COX7B2: variants seen among roughly 807,000 people sequenced by gnomAD.
COX7B2 encodes cytochrome c oxidase subunit 7B2, also known as cytochrome c oxidase subunit 7B2, mitochondrial.
For missense variants in COX7B2, 109 were observed against 95.9 expected (o/e 1.14, Z -0.57); for synonymous variants, 37 against 32.1 (o/e 1.15, Z -0.51).
rs185689224 is a variant in COX7B2, at chr4:46,793,951, T to C, written c.-50+51009A>G. ...GCATCTACATTCATAGTGGTATTGG[T>C]TTTTCCACCTCCTAAGGAAAGTATA... On this transcript the variant is annotated intron_variant, in intron 2 of 2. Transcript: ENST00000355591. Among the ~76,000 whole-genome samples, 187 of 152,228 alleles carry C rather than the reference T, an allele frequency of 1.2e-3. 1 individual carries two copies. Among genetic ancestry groups the C allele is most frequent in the African/African-American group, 4.3e-3 (177 of 41,526 alleles).
In COX7B2 at chr4:46,908,625, T is replaced by C. The variant is rs149940049; in HGVS notation, c.-105+535A>G. On this transcript the variant is annotated intron_variant, in intron 1 of 2. Coordinates refer to ENST00000355591, the MANE Select transcript of COX7B2 (RefSeq NM_130902.3). ...TCTGCAACATGCAATTCCTTTCCTT[T>C]TAATTTTCCTTTTACTCCCATCCTA... Among the ~76,000 whole-genome samples, 221 of 152,126 alleles carry C rather than the reference T, an allele frequency of 1.5e-3. 1 individual carries two copies. Among genetic ancestry groups the C allele is most frequent in the African/African-American group, 5.2e-3 (214 of 41,518 alleles).
intron 1 of COX7B2, among the ~76,000 whole-genome samples, chr4:46,859,317 A>G (rs1159060688): frequency 3.3e-5 from 5 of 152,062 alleles, no homozygotes; most frequent in Admixed American, 2.6e-4. Context: ...ACTGCTCTCT[A>G]CACTCCCTCT....
chr4:46,741,430 A>G, intron 2 of COX7B2, among the ~76,000 whole-genome samples: 1 of 152,124 alleles, frequency 6.6e-6, no homozygotes. Flanking sequence ...ATGTCTCCAG[A>G]CCTTGCTAAA....
chr4:46,837,805 T>C (rs1715639715), intron 2 of COX7B2, among the ~76,000 whole-genome samples: 1 of 152,100 alleles, frequency 6.6e-6, no homozygotes, highest in Non-Finnish European at 1.5e-5. Flanking sequence ...TGCCTTATGC[T>C]GTTTGTTGCC....
intron 2 of COX7B2, among the ~76,000 whole-genome samples, chr4:46,765,060 C>G (rs765868909): frequency 4.6e-5 from 7 of 151,350 alleles, no homozygotes; most frequent in Non-Finnish European, 7.4e-5. Flanking sequence ...AAATGCCAAG[C>G]AGAAGTGCAG....
At chr4:46,905,409 C>T (rs1720320912) in intron 1 of COX7B2, among the ~76,000 whole-genome samples, 1 of 152,176 alleles carries the variant, frequency 6.6e-6, no homozygotes, top group Non-Finnish European at 1.5e-5. Flanking sequence ...GAAACCGGAA[C>T]TGAATGTCAT....
intron 2 of COX7B2, among the ~76,000 whole-genome samples, chr4:46,798,478 C>G (rs894332477): frequency 6.6e-5 from 10 of 152,192 alleles, no homozygotes; most frequent in Non-Finnish European, 1.5e-4. Flanking sequence ...CCCTGTGGTA[C>G]TTAAAGTGTC....
intron 2 of COX7B2, among the ~76,000 whole-genome samples, chr4:46,831,609 C>G (rs925041785): frequency 1.3e-5 from 2 of 152,154 alleles, no homozygotes; most frequent in Admixed American, 1.3e-4. Context: ...TGTAAACACA[C>G]CAATCAGCAT....
At chr4:46,784,700 A>G (rs1001182240) in intron 2 of COX7B2, among the ~76,000 whole-genome samples, 10 of 152,228 alleles carry the variant, frequency 6.6e-5, no homozygotes, top group Admixed American at 2.6e-4. Flanking sequence ...CTGAAGTAAA[A>G]TTCTCAACCC....
chr4:46,814,990 G>A (rs138598830), intron 2 of COX7B2, among the ~76,000 whole-genome samples: 1,675 of 151,988 alleles, frequency 0.011, 21 homozygotes, highest in Middle Eastern at 0.041. Flanking sequence ...GTTTGAGACC[G>A]GCCAGGCCAA....
intron 2 of COX7B2, among the ~76,000 whole-genome samples, chr4:46,770,229 T>A (rs1215937158): frequency 6.6e-6 from 1 of 152,042 alleles, no homozygotes; most frequent in Non-Finnish European, 1.5e-5. Context: ...AATCCAGAAC[T>A]ACAACCCCAA....
intron 1 of COX7B2, among the ~76,000 whole-genome samples, chr4:46,899,809 T>G (rs2109892344): frequency 6.6e-6 from 1 of 152,298 alleles, no homozygotes; most frequent in South Asian, 2.1e-4. Flanking sequence ...ATAGTAATTA[T>G]TATAATAGCT....
At chr4:46,886,248 C>T (rs1719075882) in intron 1 of COX7B2, among the ~76,000 whole-genome samples, 1 of 152,024 alleles carries the variant, frequency 6.6e-6, no homozygotes, top group African/African-American at 2.4e-5. Flanking sequence ...CTATGGAGAC[C>T]ATAAAAATGT....
chr4:46,735,091 A>G lies in COX7B2; in HGVS notation c.102T>C (p.Phe34=). ...RHSHVKHSPD[F]HDKYGNAVLA... Reference sequence around the variant, plus strand: ...GCACAGCATTACCATATTTATCATGAAAATCTGGTGAGTGTTTTACATGGC... The same window carrying G: ...GCACAGCATTACCATATTTATCATGGAAATCTGGTGAGTGTTTTACATGGC... Residue 34 remains phenylalanine (F), a synonymous_variant, in exon 3 of 3, where the codon TTT becomes TTC. Transcript: ENST00000355591. 4 of 1,614,060 alleles carry G rather than the reference A, an allele frequency of 2.5e-6. No individual in the cohort carries two copies. Among genetic ancestry groups the G allele is most frequent in the Non-Finnish European group, 3.4e-6 (4 of 1,179,968 alleles).
Position 46,737,945 on chromosome 4 carries a change from C to G in COX7B2, c.-49-2704G>C, listed in dbSNP as rs141772410. ...ATTGTGACAAACAGGGCAACCAGAG[C>G]CAAATTAATTTCTTCCGAGGTTCAA... On this transcript the variant is annotated intron_variant, in intron 2 of 2. Transcript: ENST00000355591. Among the ~76,000 whole-genome samples the G allele has an allele frequency of 4.9e-3, 746 of 152,200 alleles. 6 individuals carry two copies. Among genetic ancestry groups the G allele is most frequent in the East Asian group, 0.013 (69 of 5,168 alleles).
intron 2 of COX7B2, among the ~76,000 whole-genome samples, chr4:46,793,860 C>T (rs1378068909): frequency 6.6e-6 from 1 of 152,188 alleles, no homozygotes; most frequent in Non-Finnish European, 1.5e-5. Flanking sequence ...AAGCTGGTTA[C>T]ATTGAACCCC....
intron 2 of COX7B2, among the ~76,000 whole-genome samples, chr4:46,777,542 G>A (rs928283087): frequency 6.6e-6 from 1 of 152,130 alleles, no homozygotes; most frequent in African/African-American, 2.4e-5. Context: ...GTTAGGATAA[G>A]TCCTTTGACT....
At chr4:46,771,969 G>A (rs1297520339) in intron 2 of COX7B2, among the ~76,000 whole-genome samples, 2 of 152,036 alleles carry the variant, frequency 1.3e-5, no homozygotes, top group African/African-American at 2.4e-5. Flanking sequence ...TGGACTTTTG[G>A]ACTTGGCATG....
chr4:46,895,786 A>C (rs1440237269), intron 1 of COX7B2, among the ~76,000 whole-genome samples: 1 of 152,098 alleles, frequency 6.6e-6, no homozygotes, highest in Admixed American at 6.6e-5. Flanking sequence ...CAAATTGTAT[A>C]ATCTTCCATT....
Sources: allele counts gnomAD v4.1 joint callset (sites outside exome capture counted in the v4.1 genomes callset), GRCh38; gene constraint gnomAD v4.1.1; transcripts MANE v1.5; gene names NCBI Gene and HGNC (gene_info 2026-07-23, HGNC 2026-07-21).